LRRC7: variants seen among roughly 807,000 people sequenced by gnomAD.
The protein encoded by LRRC7 is leucine rich repeat containing 7.
A neutral mutation model predicts 175.7 loss-of-function variants in LRRC7; 23 were observed. The observed-to-expected ratio is 0.13, with a 90% CI of 0.09 to 0.19. LRRC7 has a LOEUF of 0.19. Ranked by LOEUF, LRRC7 falls within the 10% of genes least tolerant of loss-of-function variation. The probability of loss-of-function intolerance (pLI) is 1.00; values close to 1 mark genes in which losing one functional copy is unlikely to be tolerated. For missense variants in LRRC7, 1,354 were observed against 1,904.7 expected (o/e 0.71, Z 5.38); for synonymous variants, 685 against 680.9 (o/e 1.01, Z -0.09).
At chr1:69,642,065 G>T (rs1001361060) in intron 1 of LRRC7, among the ~76,000 whole-genome samples, 4 of 151,832 alleles carry the variant, frequency 2.6e-5, no homozygotes, top group African/African-American at 9.7e-5. Context: ...TCATGTGGTT[G>T]AATACAATTT....
At chr1:70,011,980 G>C in intron 12 of LRRC7, 54 bp downstream of exon 12, 1 of 1,376,044 alleles carries the variant, frequency 7.3e-7, no homozygotes, top group Non-Finnish European at 1.0e-6. Context: ...CTGTTTTGGA[G>C]TAAAATCTTA....
chr1:69,716,228 A>G (rs765843791), intron 2 of LRRC7: 2 of 477,116 alleles, frequency 4.2e-6, no homozygotes, highest in Admixed American at 4.0e-5. Flanking sequence ...AGTAGATACT[A>G]TATTATTTTA....
At chr1:69,590,609 G>T (rs912163935) in intron 1 of LRRC7, among the ~76,000 whole-genome samples, 3 of 152,126 alleles carry the variant, frequency 2.0e-5, no homozygotes, top group Non-Finnish European at 4.4e-5. Context: ...ATATAAAAGA[G>T]ACTGCAGCAT....
chr1:70,101,257 C>T (rs1367866082), intron 25 of LRRC7, among the ~76,000 whole-genome samples: 1 of 152,114 alleles, frequency 6.6e-6, no homozygotes, highest in Non-Finnish European at 1.5e-5. Context: ...GCATAAAATG[C>T]TATATGCTAT....
chr1:69,773,748 G>A (rs997551601), intron 3 of LRRC7, among the ~76,000 whole-genome samples: 2 of 152,124 alleles, frequency 1.3e-5, no homozygotes, highest in African/African-American at 4.8e-5. Context: ...CACTTCATAT[G>A]CAATAGCTTT....
At chr1:69,576,459 T>C (rs905022438) in intron 1 of LRRC7, among the ~76,000 whole-genome samples, 3 of 152,134 alleles carry the variant, frequency 2.0e-5, no homozygotes, top group Non-Finnish European at 4.4e-5. Flanking sequence ...GCAAACCATA[T>C]TAGCAATGAT....
At chr1:69,593,741 A>G (rs1646729168) in intron 1 of LRRC7, among the ~76,000 whole-genome samples, 1 of 152,138 alleles carries the variant, frequency 6.6e-6, no homozygotes, top group Non-Finnish European at 1.5e-5. Context: ...CATGATTTTC[A>G]TCTTTTGTCA....
intron 7 of LRRC7, among the ~76,000 whole-genome samples, chr1:69,865,469 CTTTTTTTTTT>C (rs532063540): frequency 0.019 from 983 of 51,278 alleles, 74 homozygotes; most frequent in Middle Eastern, 0.17. Flanking sequence ...AAGACAGTTC[CTTTTTTTTTT>C]TTTTTTTTTT....
chr1:69,629,425 G>T (rs78416916), intron 1 of LRRC7, among the ~76,000 whole-genome samples: 1 of 152,102 alleles, frequency 6.6e-6, no homozygotes, highest in African/African-American at 2.4e-5. Flanking sequence ...CCATCGAGGA[G>T]TATATTATGC....
At chr1:69,644,579 T>G (rs1454233981) in intron 1 of LRRC7, among the ~76,000 whole-genome samples, 2 of 151,998 alleles carry the variant, frequency 1.3e-5, no homozygotes, top group Non-Finnish European at 2.9e-5. Context: ...TTTAACCATA[T>G]GGTTTCACTG....
intron 8 of LRRC7, among the ~76,000 whole-genome samples, chr1:69,956,723 A>G (rs1650529647): frequency 6.6e-6 from 1 of 151,796 alleles, no homozygotes; most frequent in Non-Finnish European, 1.5e-5. Flanking sequence ...AGGATATAAC[A>G]TATTCAGGGT....
intron 3 of LRRC7, among the ~76,000 whole-genome samples, chr1:69,770,116 C>T (rs1424391916): frequency 2.6e-5 from 4 of 152,082 alleles, no homozygotes; most frequent in Non-Finnish European, 5.9e-5. Flanking sequence ...TCCATGTAAC[C>T]GTGACAGTTG....
chr1:69,868,127 A>G (rs1685131477), intron 7 of LRRC7, among the ~76,000 whole-genome samples: 1 of 152,098 alleles, frequency 6.6e-6, no homozygotes, highest in African/African-American at 2.4e-5. Context: ...GTAAGCCAAC[A>G]TGGTGGACTA....
At chr1:69,591,184 G>A (rs930355862) in intron 1 of LRRC7, among the ~76,000 whole-genome samples, 1 of 152,098 alleles carries the variant, frequency 6.6e-6, no homozygotes, top group African/African-American at 2.4e-5. Context: ...TTTGCTTGCT[G>A]TATCTCTTGA....
intron 8 of LRRC7, among the ~76,000 whole-genome samples, chr1:69,936,299 C>T (rs1009525840): frequency 3.3e-5 from 5 of 152,060 alleles, no homozygotes; most frequent in Admixed American, 1.3e-4. Context: ...TTGATTACAA[C>T]GGCATTGACC....
At chr1:69,640,518 G>A (rs1165547814) in intron 1 of LRRC7, among the ~76,000 whole-genome samples, 8 of 150,874 alleles carry the variant, frequency 5.3e-5, no homozygotes, top group South Asian at 2.1e-4. Flanking sequence ...AGAACACAAG[G>A]GTGTTTCTGA....
chr1:69,665,660 G>T (rs1387832045), intron 1 of LRRC7, among the ~76,000 whole-genome samples: 1 of 150,872 alleles, frequency 6.6e-6, no homozygotes, highest in Non-Finnish European at 1.5e-5. Flanking sequence ...TACTGATTTT[G>T]TATGTTGATT....
At chr1:69,685,027 C>T (rs761229940) in intron 2 of LRRC7, among the ~76,000 whole-genome samples, 7 of 152,144 alleles carry the variant, frequency 4.6e-5, no homozygotes, top group Non-Finnish European at 1.0e-4. Context: ...GGCTTCTGTG[C>T]CTTCCCAGAG....
intron 7 of LRRC7, among the ~76,000 whole-genome samples, chr1:69,853,270 C>CTTTTTTTTTT (rs1163071175): frequency 2.4e-4 from 21 of 88,016 alleles, no homozygotes; most frequent in African/African-American, 3.1e-4. Flanking sequence ...TCCTTTCTTT[C>CTTTTTTTTTT]TTTTTTTTTT....
Sources: gnomAD v4.1 joint callset for allele counts (sites outside exome capture counted in the v4.1 genomes callset) on GRCh38, gnomAD v4.1.1 for gene constraint, MANE v1.5 for transcripts, NCBI Gene and HGNC (gene_info 2026-07-23, HGNC 2026-07-21) for gene names.